Variants in SPOCK1 observed in about 807,000 individuals in gnomAD.
The protein encoded by SPOCK1 is SPARC (osteonectin), cwcv and kazal like domains proteoglycan 1, also known as testican-1.
A neutral mutation model predicts 55.3 loss-of-function variants in SPOCK1; 23 were observed. The ratio of observed to expected loss-of-function variants is 0.42; its 90% confidence interval spans 0.30 to 0.59. The LOEUF (loss-of-function observed/expected upper bound fraction) is 0.59, where lower values mean the gene tolerates loss of function less well. SPOCK1 is among the 20% of genes least tolerant of loss of function. The pLI is 0.22. For missense variants in SPOCK1, 499 were observed against 552.5 expected (o/e 0.90, Z 0.97); for synonymous variants, 226 against 221.0 (o/e 1.02, Z -0.20).
chr5:137,155,779 G>A (rs931441680), intron 3 of SPOCK1, among the ~76,000 whole-genome samples: 1 of 152,160 alleles, frequency 6.6e-6, no homozygotes, highest in African/African-American at 2.4e-5. Flanking sequence ...TCCTTTCTCT[G>A]ACAAACAAAG....
intron 4 of SPOCK1, among the ~76,000 whole-genome samples, chr5:137,123,013 G>A (rs1753716424): frequency 1.3e-5 from 2 of 152,172 alleles, no homozygotes; most frequent in Admixed American, 1.3e-4. Flanking sequence ...ATGATGCCAG[G>A]ACAGACACAG....
chr5:137,449,830 G>A (rs1056809878), intron 2 of SPOCK1, among the ~76,000 whole-genome samples: 7 of 132,070 alleles, frequency 5.3e-5, no homozygotes, highest in African/African-American at 2.0e-4. Context: ...AGGCTGTAGT[G>A]AGCTATGATC....
At chr5:137,158,475 C>T (rs964721473) in intron 3 of SPOCK1, among the ~76,000 whole-genome samples, 2 of 152,158 alleles carry the variant, frequency 1.3e-5, no homozygotes, top group African/African-American at 4.8e-5. Flanking sequence ...TGGTTAGAAA[C>T]CAGTTTTGGG....
intron 2 of SPOCK1, among the ~76,000 whole-genome samples, chr5:137,300,569 G>A (rs1757570610): frequency 6.6e-6 from 1 of 152,174 alleles, no homozygotes; most frequent in African/African-American, 2.4e-5. Flanking sequence ...CCCCTGCAAT[G>A]AGTCACAGCT....
intron 4 of SPOCK1, among the ~76,000 whole-genome samples, chr5:137,119,907 T>C (rs1418653479): frequency 6.6e-6 from 1 of 152,234 alleles, no homozygotes; most frequent in Non-Finnish European, 1.5e-5. Context: ...AGCCCTTTAT[T>C]TGATCTGTCC....
At chr5:137,448,658 T>G (rs140892054) in intron 2 of SPOCK1, among the ~76,000 whole-genome samples, 78 of 152,348 alleles carry the variant, frequency 5.1e-4, no homozygotes, top group African/African-American at 1.7e-3. Context: ...TGAACTTGCA[T>G]TTGCAAACAG....
chr5:137,413,790 T>A (rs1752264917), intron 2 of SPOCK1, among the ~76,000 whole-genome samples: 1 of 152,228 alleles, frequency 6.6e-6, no homozygotes, highest in South Asian at 2.1e-4. Context: ...TTATCTCACA[T>A]AATCAAGAAG....
chr5:137,266,962 GACC>G, intron 3 of SPOCK1, 45 bp downstream of exon 3: 1 of 1,541,170 alleles, frequency 6.5e-7, no homozygotes, highest in Non-Finnish European at 8.9e-7. Flanking sequence ...GGAAAAATGA[GACC>G]ACATTTACCA....
intron 2 of SPOCK1, among the ~76,000 whole-genome samples, chr5:137,449,785 C>T (rs982952179): frequency 8.2e-5 from 12 of 146,774 alleles, no homozygotes; most frequent in Admixed American, 1.4e-4. Context: ...GTCCCAGCTA[C>T]TAAGGAGGCT....
At chr5:137,044,052 T>G (rs922456567) in intron 6 of SPOCK1, among the ~76,000 whole-genome samples, 4 of 152,224 alleles carry the variant, frequency 2.6e-5, no homozygotes, top group African/African-American at 9.6e-5. Context: ...ATAAAGAGTT[T>G]ATGTGAAAAA....
At position 136,978,082 on chromosome 5, in the gene SPOCK1, T is replaced by C; in HGVS notation, c.*572A>G. 2.5e-6 allele frequency: 1 copy of C among 397,538 alleles called. No homozygotes were observed. The highest frequency in any genetic ancestry group is 4.4e-6 in the Non-Finnish European group (1 of 225,646). 24.6% of individuals were successfully genotyped at this position (397,538 alleles called of 1,614,324 possible). A position where few individuals can be genotyped will look rare whatever the true frequency, so the allele number is the denominator to read the frequency against. On this transcript the variant is annotated 3_prime_UTR_variant, in exon 11 of 11. Transcript: ENST00000394945. Reference sequence around the variant, plus strand: ...TTCCCCAAAGGGAGTCTTGACTGAATTAAGGCTGTTGTTTATAGGAAGCCA... The same window carrying C: ...TTCCCCAAAGGGAGTCTTGACTGAACTAAGGCTGTTGTTTATAGGAAGCCA...
chr5:137,218,763 TACA>T (rs1755766620), intron 3 of SPOCK1, among the ~76,000 whole-genome samples: 1 of 152,132 alleles, frequency 6.6e-6, no homozygotes, highest in African/African-American at 2.4e-5. Flanking sequence ...ATTTAAGGTG[TACA>T]ACAAGCACAG....
intron 3 of SPOCK1, among the ~76,000 whole-genome samples, chr5:137,252,820 T>A (rs189039649): frequency 1.4e-3 from 217 of 152,312 alleles, no homozygotes; most frequent in Non-Finnish European, 2.6e-3. Context: ...AAGACAGGAA[T>A]CCCTAAGAGC....
intron 2 of SPOCK1, among the ~76,000 whole-genome samples, chr5:137,342,110 G>A (rs147777965): frequency 1.7e-4 from 26 of 152,300 alleles, no homozygotes; most frequent in Non-Finnish European, 2.4e-4. Context: ...AGCAAAGAGC[G>A]TTTTGATGGA....
At chr5:137,403,552 A>G (rs1752029346) in intron 2 of SPOCK1, among the ~76,000 whole-genome samples, 1 of 152,188 alleles carries the variant, frequency 6.6e-6, no homozygotes, top group South Asian at 2.1e-4. Flanking sequence ...GGGAAAATGA[A>G]ACTGTACAGC....
chr5:137,425,963 G>GAAA (rs33927619), intron 2 of SPOCK1, among the ~76,000 whole-genome samples: 1 of 108,948 alleles, frequency 9.2e-6, no homozygotes, highest in Non-Finnish European at 1.9e-5. Flanking sequence ...GTACATTACA[G>GAAA]AAAAAAAAAA....
chr5:136,998,759 T>C (rs1751094570), intron 6 of SPOCK1, among the ~76,000 whole-genome samples: 1 of 152,244 alleles, frequency 6.6e-6, no homozygotes, highest in South Asian at 2.1e-4. Context: ...GCGAACAGCC[T>C]GCTGCCTGTG....
At chr5:137,440,125 G>C (rs1303665529) in intron 2 of SPOCK1, among the ~76,000 whole-genome samples, 1 of 152,080 alleles carries the variant, frequency 6.6e-6, no homozygotes, top group East Asian at 1.9e-4. Context: ...AATATCTTTA[G>C]AGAGATAAGA....
chr5:137,264,061 C>A (rs1756800432), intron 3 of SPOCK1, among the ~76,000 whole-genome samples: 1 of 152,010 alleles, frequency 6.6e-6, no homozygotes, highest in African/African-American at 2.4e-5. Flanking sequence ...ATTCACCACA[C>A]CAACACGACA....
Sources: gnomAD v4.1 joint callset for allele counts (sites outside exome capture counted in the v4.1 genomes callset) on GRCh38, gnomAD v4.1.1 for gene constraint, MANE v1.5 for transcripts, NCBI Gene and HGNC (gene_info 2026-07-23, HGNC 2026-07-21) for gene names.